RYR2: variants seen among roughly 807,000 people sequenced by gnomAD.
The protein encoded by RYR2 is cardiac muscle ryanodine receptor-calcium release channel.
RYR2 carries 227 observed loss-of-function variants against 601.1 expected under a neutral mutation model. The ratio of observed to expected loss-of-function variants is 0.38; its 90% CI spans 0.34 to 0.42. RYR2 has a LOEUF of 0.42. Ranked by LOEUF, RYR2 falls within the 10% of genes least tolerant of loss-of-function variation. RYR2 has a pLI of 1.00. For missense variants in RYR2, 4,646 were observed against 6,156.5 expected (o/e 0.75, Z 8.21); for synonymous variants, 2,223 against 2,175.1 (o/e 1.02, Z -0.61).
intron 63 of RYR2, among the ~76,000 whole-genome samples, chr1:237,692,210 A>C (rs1034056119): frequency 1.3e-5 from 2 of 152,212 alleles, no homozygotes; most frequent in African/African-American, 4.8e-5. Context: ...TTCAATAAAC[A>C]TGTATTGTAT....
intron 1 of RYR2, among the ~76,000 whole-genome samples, chr1:237,184,114 T>C (rs1348875828): frequency 6.9e-6 from 1 of 144,160 alleles, no homozygotes; most frequent in East Asian, 1.9e-4. Flanking sequence ...GTGTAACCCT[T>C]GGGCGGGGTA....
At chr1:237,307,607 G>A (rs1694005389) in intron 2 of RYR2, among the ~76,000 whole-genome samples, 1 of 151,998 alleles carries the variant, frequency 6.6e-6, no homozygotes, top group South Asian at 2.1e-4. Context: ...CTTGAGTTTT[G>A]TTTTTGTTTT....
chr1:237,232,755 G>A (rs1010978092), intron 1 of RYR2, among the ~76,000 whole-genome samples: 24 of 151,936 alleles, frequency 1.6e-4, no homozygotes, highest in African/African-American at 5.8e-4. Context: ...CAGGTAAATA[G>A]CATTAGAATT....
chr1:237,597,241 T>G (rs1675988433), intron 34 of RYR2, among the ~76,000 whole-genome samples: 1 of 151,648 alleles, frequency 6.6e-6, no homozygotes. Context: ...TAGAGAGATG[T>G]AAATTAAGGC....
chr1:237,676,836 T>C (rs191564925), intron 60 of RYR2, among the ~76,000 whole-genome samples: 1 of 152,296 alleles, frequency 6.6e-6, no homozygotes. Flanking sequence ...GAAGCATTTT[T>C]TTTAAATGTA....
chr1:237,165,262 G>A (rs749251870), intron 1 of RYR2, among the ~76,000 whole-genome samples: 1 of 152,154 alleles, frequency 6.6e-6, no homozygotes, highest in Non-Finnish European at 1.5e-5. Context: ...TCCTGGAGAT[G>A]ACTGAAAATC....
At chr1:237,706,405 G>A (rs1688382829) in intron 67 of RYR2, among the ~76,000 whole-genome samples, 1 of 152,142 alleles carries the variant, frequency 6.6e-6, no homozygotes, top group African/African-American at 2.4e-5. Context: ...GCCACTGAAC[G>A]GTTGGAAAGA....
At chr1:237,699,961 G>A (rs954066995) in intron 64 of RYR2, among the ~76,000 whole-genome samples, 5 of 152,188 alleles carry the variant, frequency 3.3e-5, no homozygotes, top group East Asian at 1.9e-4. Flanking sequence ...ATTGGAGACC[G>A]TTAGTGATAA....
At chr1:237,533,596 T>G (rs1344542269) in intron 25 of RYR2, among the ~76,000 whole-genome samples, 1 of 152,082 alleles carries the variant, frequency 6.6e-6, no homozygotes, top group African/African-American at 2.4e-5. Flanking sequence ...ACACCATAGA[T>G]GAACCTAAAA....
At chr1:237,730,224 A>G (rs1341004062) in intron 76 of RYR2, 36 bp from the exon 77 acceptor site, 2 of 1,200,066 alleles carry the variant, frequency 1.7e-6, no homozygotes, top group African/African-American at 3.0e-5. Flanking sequence ...CTTATTTTCT[A>G]AACACCCTTT....
chr1:237,224,036 T>G (rs1684100792), intron 1 of RYR2, among the ~76,000 whole-genome samples: 1 of 152,200 alleles, frequency 6.6e-6, no homozygotes, highest in South Asian at 2.1e-4. Flanking sequence ...GATGATTTCC[T>G]TTTTGCAAAG....
rs115864302 is a variant in RYR2 at position 237,603,474 on chromosome 1, T to C, written c.4683+1363T>C. Among the ~76,000 whole-genome samples, 935 of 152,348 alleles carry C rather than the reference T, an allele frequency of 6.1e-3. 3 individuals are homozygous for C. Among genetic ancestry groups the C allele is most frequent in the Middle Eastern group, 0.037 (11 of 294 alleles). On this transcript the variant is annotated intron_variant, in intron 35 of 104. Transcript: ENST00000366574. Reference sequence around the variant, plus strand: ...CGCCAAGTGCCCGGCCACATGCACATGCCAAATTGTAAAGACCATCGATGC... The same window carrying C: ...CGCCAAGTGCCCGGCCACATGCACACGCCAAATTGTAAAGACCATCGATGC...
chr1:237,179,904 GC>G (rs1339916851), intron 1 of RYR2, among the ~76,000 whole-genome samples: 1 of 152,080 alleles, frequency 6.6e-6, no homozygotes, highest in Non-Finnish European at 1.5e-5. Context: ...ACTAAATTCT[GC>G]CTGATTGACC....
At chr1:237,091,438 G>C (rs887060680) in intron 1 of RYR2, among the ~76,000 whole-genome samples, 7 of 114,380 alleles carry the variant, frequency 6.1e-5, no homozygotes, top group Admixed American at 8.0e-5. Flanking sequence ...TGGGGGGGGC[G>C]GGGGGGGATA....
At chr1:237,261,615 G>A (rs1053242224) in intron 1 of RYR2, among the ~76,000 whole-genome samples, 1 of 152,120 alleles carries the variant, frequency 6.6e-6, no homozygotes, top group Non-Finnish European at 1.5e-5. Context: ...AAACACTTTG[G>A]TGGGGTGCCG....
At chr1:237,535,509 A>ACACT (rs1572760495) in intron 25 of RYR2, among the ~76,000 whole-genome samples, 1 of 151,762 alleles carries the variant, frequency 6.6e-6, no homozygotes, top group East Asian at 1.9e-4. Context: ...ACACACACAC[A>ACACT]CACACACACG....
At chr1:237,200,680 G>A (rs1359234546) in intron 1 of RYR2, among the ~76,000 whole-genome samples, 1 of 152,164 alleles carries the variant, frequency 6.6e-6, no homozygotes, top group Non-Finnish European at 1.5e-5. Flanking sequence ...TTTAATAATG[G>A]TGAGCAAATT....
Position 237,614,751 on chromosome 1 carries a change from C to G in RYR2, c.5623C>G (p.Leu1875Val), listed in dbSNP as rs1262621152. 3 of 1,613,524 alleles carry G rather than the reference C, an allele frequency of 1.9e-6. No individual in the cohort carries two copies. The highest frequency in any genetic ancestry group is 1.1e-5 in the South Asian group (1 of 91,084). ...AGAGCTCAGTGTGGACGATGCAAAGCTGCAAGGAGCTGGTGAGGAAGAAGC... is the reference window on the plus strand; with the variant it reads ...AGAGCTCAGTGTGGACGATGCAAAGGTGCAAGGAGCTGGTGAGGAAGAAGC... ...EKELSVDDAK[L>V]QGAGEEEAKG... Residue 1875 changes from leucine to valine, a missense_variant, in exon 37 of 105, where the codon CTG (leucine) becomes GTG (valine). Transcript: ENST00000366574. This position sits in a 1 kb window ranked among gnomAD's most constrained non-coding sequence, Gnocchi z 4.3.
At chr1:237,600,980 A>G (rs1310441619) in intron 34 of RYR2, among the ~76,000 whole-genome samples, 1 of 152,182 alleles carries the variant, frequency 6.6e-6, no homozygotes, top group Admixed American at 6.5e-5. Flanking sequence ...AAACCCATAC[A>G]CTGTTGGTGG....
Sources: gnomAD v4.1 joint callset for allele counts (sites outside exome capture counted in the v4.1 genomes callset) on GRCh38, gnomAD v4.1.1 for gene constraint, Gnocchi (gnomAD v3.1) non-coding constraint, MANE v1.5 for transcripts, NCBI Gene and HGNC (gene_info 2026-07-23, HGNC 2026-07-21) for gene names.